The following TBC1D8 variants were observed in gnomAD, a reference collection of about 807,000 sequenced individuals.
The protein encoded by TBC1D8 is TBC1 domain family member 8.
A neutral mutation model predicts 118.8 loss-of-function variants in TBC1D8; 65 were observed. The ratio of observed to expected loss-of-function variants is 0.55; its 90% confidence interval spans 0.45 to 0.67. The LOEUF (loss-of-function observed/expected upper bound fraction) is 0.67. TBC1D8 is among the 30% of genes least tolerant of loss of function. The pLI is 0.00. For synonymous variants in TBC1D8, 566 were observed against 595.8 expected (o/e 0.95, Z 0.73); for missense variants, 1,376 against 1,471.2 (o/e 0.94, Z 1.06).
chr2:101,077,015 A>T (rs1367767611), intron 2 of TBC1D8, among the ~76,000 whole-genome samples: 1 of 151,996 alleles, frequency 6.6e-6, no homozygotes, highest in Non-Finnish European at 1.5e-5. Flanking sequence ...AGTGCTACAT[A>T]CTTTTTATTT....
chr2:101,139,995 G>A (rs1217984988), intron 1 of TBC1D8, among the ~76,000 whole-genome samples: 3 of 152,124 alleles, frequency 2.0e-5, no homozygotes, highest in African/African-American at 7.2e-5. Flanking sequence ...TGCTCTTTGG[G>A]TTTCTTTCTG....
intron 5 of TBC1D8, among the ~76,000 whole-genome samples, chr2:101,042,040 GA>G (rs1681420072): frequency 6.6e-6 from 1 of 151,688 alleles, no homozygotes; most frequent in Non-Finnish European, 1.5e-5. Flanking sequence ...AAAAAAAGTT[GA>G]GATGCATATC....
chr2:101,124,821 G>A (rs1273286179), intron 1 of TBC1D8, among the ~76,000 whole-genome samples: 2 of 152,158 alleles, frequency 1.3e-5, no homozygotes, highest in South Asian at 2.1e-4. Flanking sequence ...GAGTGATGAA[G>A]AGGCTGGGTG....
At chr2:101,147,395 G>C (rs1403188714) in intron 1 of TBC1D8, among the ~76,000 whole-genome samples, 1 of 152,078 alleles carries the variant, frequency 6.6e-6, no homozygotes, top group Non-Finnish European at 1.5e-5. Context: ...CCTCCATACT[G>C]TCCTCCATAG....
At chr2:101,014,950 A>G (rs1367200199) in intron 17 of TBC1D8, among the ~76,000 whole-genome samples, 1 of 152,096 alleles carries the variant, frequency 6.6e-6, no homozygotes. Flanking sequence ...CTCCACAGCA[A>G]ATATTCTGTG....
intron 1 of TBC1D8, among the ~76,000 whole-genome samples, chr2:101,114,361 C>T (rs980091226): frequency 2.0e-5 from 3 of 152,022 alleles, no homozygotes; most frequent in Admixed American, 2.0e-4. Context: ...TTTATCGGTT[C>T]GCAACACCTG....
intron 3 of TBC1D8, among the ~76,000 whole-genome samples, 156 bp downstream of exon 3, chr2:101,059,265 A>T (rs1281488537): frequency 6.6e-6 from 1 of 151,114 alleles, no homozygotes; most frequent in Non-Finnish European, 1.5e-5. Flanking sequence ...ACTGACTACA[A>T]AGTTAAGACA....
At chr2:101,055,935 G>C (rs958157687) in intron 3 of TBC1D8, among the ~76,000 whole-genome samples, 2 of 151,906 alleles carry the variant, frequency 1.3e-5, no homozygotes, top group African/African-American at 4.8e-5. Flanking sequence ...GATGGCAACT[G>C]TGAACAGCCA....
rs34272976 is a variant in TBC1D8 at position 101,024,402 on chromosome 2, A to ATTTTTT, written c.2521-1887_2521-1882dup. ...CTTAGACACCATCAGTGGGACTGTA[A>ATTTTTT]TTTTTTTTTTTTTTTTTTTTTGAGA... On this transcript the variant is annotated intron_variant, in intron 15 of 19. Coordinates refer to ENST00000409318, the MANE Select transcript of TBC1D8 (RefSeq NM_001330348.2). 2.1e-4 allele frequency among the ~76,000 whole-genome samples: 25 copies of ATTTTTT among 121,130 alleles called. No homozygotes were observed. In the East Asian group the frequency reaches 4.8e-3, roughly 23 times the overall value. 79.5% of individuals were successfully genotyped at this position (121,130 alleles called of 152,430 possible). A position where few individuals can be genotyped will look rare whatever the true frequency, so the allele number is the denominator to read the frequency against.
intron 2 of TBC1D8, among the ~76,000 whole-genome samples, chr2:101,064,582 T>G (rs1682924661): frequency 6.6e-6 from 1 of 152,236 alleles, no homozygotes. Flanking sequence ...AAAAGACTTT[T>G]TCGTTTTCTA....
chr2:101,024,695 C>T (rs1680235708), intron 15 of TBC1D8, among the ~76,000 whole-genome samples: 1 of 152,126 alleles, frequency 6.6e-6, no homozygotes, highest in Non-Finnish European at 1.5e-5. Flanking sequence ...ACATAAGCCA[C>T]CGTGCCCGGC....
intron 1 of TBC1D8, among the ~76,000 whole-genome samples, chr2:101,111,508 G>A (rs1677582635): frequency 6.6e-6 from 1 of 152,212 alleles, no homozygotes; most frequent in South Asian, 2.1e-4. Flanking sequence ...GCATTGCAAG[G>A]GAGGGATGCT....
rs34465252 is a variant in TBC1D8, at chr2:101,054,672, C to CTTTTTTTTTTTTTTTTTTTTTTTT, written c.403-360_403-337dup. Among the ~76,000 whole-genome samples the CTTTTTTTTTTTTTTTTTTTTTTTT allele has an allele frequency of 1.1e-3, 29 of 25,428 alleles. 3 individuals are homozygous for CTTTTTTTTTTTTTTTTTTTTTTTT. Among genetic ancestry groups the CTTTTTTTTTTTTTTTTTTTTTTTT allele is most frequent in the East Asian group, 3.1e-3 (2 of 652 alleles). 16.7% of individuals were successfully genotyped at this position (25,428 alleles called of 152,430 possible). A position where few individuals can be genotyped will look rare whatever the true frequency, so the allele number is the denominator to read the frequency against. On this transcript the variant is annotated intron_variant, in intron 3 of 19. Coordinates refer to ENST00000409318, the MANE Select transcript of TBC1D8 (RefSeq NM_001330348.2). ...ACAAACAATCATTTTCTTTTCTTTT[C>CTTTTTTTTTTTTTTTTTTTTTTTT]TTTTTTTTTTTTTTTTTTTTTTTTT...
At chr2:101,144,809 G>A (rs376689738) in intron 1 of TBC1D8, among the ~76,000 whole-genome samples, 25 of 152,014 alleles carry the variant, frequency 1.6e-4, no homozygotes, top group African/African-American at 4.1e-4. Context: ...GTGGTGGTGC[G>A]TGCCTGTAGT....
intron 2 of TBC1D8, among the ~76,000 whole-genome samples, chr2:101,075,888 C>G (rs1294882147): frequency 6.6e-6 from 1 of 152,126 alleles, no homozygotes. Flanking sequence ...TTTTAAACTC[C>G]TGGCTTGTAG....
Position 101,137,970 on chromosome 2 carries a change from T to C in TBC1D8, c.127+13157A>G, listed in dbSNP as rs181798332. 1.8e-3 allele frequency among the ~76,000 whole-genome samples: 270 copies of C among 152,304 alleles called. 3 individuals carry two copies. Among genetic ancestry groups the C allele is most frequent in the East Asian group, 4.2e-3 (22 of 5,182 alleles). On this transcript the variant is annotated intron_variant, in intron 1 of 19. Transcript: ENST00000409318. ...GAAAAGAGGTTTAATTGGCTCACAG[T>C]TCCACAGGCTGTACAGGAAGCATGG...
At chr2:101,139,435 T>C (rs1573107674) in intron 1 of TBC1D8, among the ~76,000 whole-genome samples, 1 of 152,166 alleles carries the variant, frequency 6.6e-6, no homozygotes, top group East Asian at 1.9e-4. Flanking sequence ...CACATCTGCC[T>C]GCATCCAAGC....
At chr2:101,013,209 G>A (rs1236546232) in intron 17 of TBC1D8, among the ~76,000 whole-genome samples, 4 of 152,164 alleles carry the variant, frequency 2.6e-5, no homozygotes, top group East Asian at 1.9e-4. Context: ...AACCTCTGCC[G>A]TCACAGCATA....
At chr2:101,081,404 T>A (rs750184496) in intron 2 of TBC1D8, among the ~76,000 whole-genome samples, 6 of 152,178 alleles carry the variant, frequency 3.9e-5, no homozygotes, top group Non-Finnish European at 5.9e-5. Flanking sequence ...CAGACCTTAC[T>A]GGCTACATAA....
Sources: allele counts gnomAD v4.1 joint callset (sites outside exome capture counted in the v4.1 genomes callset), GRCh38; gene constraint gnomAD v4.1.1; transcripts MANE v1.5; gene names NCBI Gene and HGNC (gene_info 2026-07-23, HGNC 2026-07-21).